The following NHSL2 variants were observed in gnomAD, a reference collection of about 807,000 sequenced individuals.
The protein encoded by NHSL2 is NHS like 2.
Under a neutral mutation model 53.4 loss-of-function variants are expected in NHSL2, and 27 were observed. The ratio of observed to expected loss-of-function variants is 0.51; its 90% CI spans 0.37 to 0.70. The LOEUF (loss-of-function observed/expected upper bound fraction) is 0.70, where lower values mean the gene tolerates loss of function less well. Ranked by LOEUF, NHSL2 falls within the 30% of genes least tolerant of loss-of-function variation. The pLI is 0.00. For synonymous variants in NHSL2, 408 were observed against 404.1 expected, an observed-to-expected ratio of 1.01 and a Z score of -0.12; for missense variants, 892 against 980.1, an observed-to-expected ratio of 0.91 and a Z score of 1.20.
intron 1 of NHSL2, among the ~76,000 whole-genome samples, chrX:71,929,015 G>C (rs2041699966): frequency 9.0e-6 from 1 of 111,550 alleles, no homozygotes; most frequent in Non-Finnish European, 1.9e-5. Flanking sequence ...TCCCCATACT[G>C]TCATAGATGG....
chrX:71,935,907 A>T (rs1042250596), intron 1 of NHSL2, among the ~76,000 whole-genome samples: 14 of 110,879 alleles, frequency 1.3e-4, no homozygotes, highest in Admixed American at 3.8e-4. Context: ...AGTGAATCTC[A>T]CTCCTGCCTG....
intron 1 of NHSL2, among the ~76,000 whole-genome samples, chrX:72,126,719 C>T (rs1159294291): frequency 8.9e-6 from 1 of 111,747 alleles, no homozygotes; most frequent in East Asian, 2.8e-4. Flanking sequence ...ACTTGTGATT[C>T]ATCACCAGCT....
At chrX:71,996,326 A>G (rs1445993079) in intron 1 of NHSL2, among the ~76,000 whole-genome samples, 2 of 112,587 alleles carry the variant, frequency 1.8e-5, no homozygotes, top group African/African-American at 3.2e-5. Context: ...AGCTGTTCAA[A>G]TAGTGATGGG....
chrX:71,933,924 G>A (rs903863592), intron 1 of NHSL2, among the ~76,000 whole-genome samples: 1 of 111,351 alleles, frequency 9.0e-6, no homozygotes, highest in Non-Finnish European at 1.9e-5. Flanking sequence ...ACAACAGCTG[G>A]ACTCTGCATT....
At chrX:72,081,270 C>A (rs980467431) in intron 1 of NHSL2, among the ~76,000 whole-genome samples, 1 of 112,214 alleles carries the variant, frequency 8.9e-6, no homozygotes, top group African/African-American at 3.2e-5. Flanking sequence ...ATGCGGTCTG[C>A]GTGGGGCCTC....
At chrX:72,110,337 A>AC (rs1471288646) in intron 1 of NHSL2, among the ~76,000 whole-genome samples, 1 of 110,483 alleles carries the variant, frequency 9.1e-6, no homozygotes, top group African/African-American at 3.3e-5. Flanking sequence ...TCTGAGAATG[A>AC]CCTCCTCATC....
intron 1 of NHSL2, among the ~76,000 whole-genome samples, chrX:72,019,475 A>C (rs1277529525): frequency 8.9e-6 from 1 of 112,184 alleles, no homozygotes; most frequent in Non-Finnish European, 1.9e-5. Flanking sequence ...GTCACCACAC[A>C]CTAGGGCAGA....
intron 1 of NHSL2, among the ~76,000 whole-genome samples, chrX:71,942,201 G>A (rs778402647): frequency 9.8e-5 from 11 of 112,450 alleles, no homozygotes; most frequent in Admixed American, 4.7e-4. Context: ...AGACTGCAAT[G>A]TGAGGGGATC....
rs547337817 is a variant in NHSL2, at chrX:72,038,292, A to C, written c.281-93787A>C. On this transcript the variant is annotated intron_variant, in intron 1 of 7. Coordinates refer to ENST00000633930, the MANE Select transcript of NHSL2 (RefSeq NM_001013627.3). ...AGGGGTATGGGTAAAAGGTTGAGGCAGGGCAGCCTGAAACATCTTCTTCTC... is the reference window on the plus strand; with the variant it reads ...AGGGGTATGGGTAAAAGGTTGAGGCCGGGCAGCCTGAAACATCTTCTTCTC... 8.9e-5 allele frequency among the ~76,000 whole-genome samples: 10 copies of C among 112,641 alleles called. No homozygotes were observed. In the South Asian group the frequency reaches 1.5e-3, roughly 17 times the overall value.
chrX:72,112,837 G>A (rs1371808096), intron 1 of NHSL2, among the ~76,000 whole-genome samples: 3 of 110,646 alleles, frequency 2.7e-5, no homozygotes, highest in African/African-American at 3.3e-5. Flanking sequence ...TTACAGGTGC[G>A]CACCACCACA....
intron 1 of NHSL2, 63 bp from the exon 2 acceptor site, chrX:72,132,016 G>A: frequency 8.8e-7 from 1 of 1,132,944 alleles, no homozygotes; most frequent in Non-Finnish European, 1.2e-6. Flanking sequence ...GGCGCCCACT[G>A]GCCGCCGCGC....
Position 72,139,616 on chromosome X carries a change from C to A in NHSL2, c.2068C>A (p.Leu690Ile). 1 of 1,210,558 alleles carries A rather than the reference C, an allele frequency of 8.3e-7. No homozygotes were observed. The highest frequency in any genetic ancestry group is 1.1e-6 in the Non-Finnish European group (1 of 894,509). Residue 690 changes from leucine (L) to isoleucine (I), a missense_variant, in exon 6 of 8, where the codon CTC becomes ATC. Transcript: ENST00000633930. Reference protein sequence around the residue: ...STSRATTPSQLSIEVEAREIS... With the variant: ...STSRATTPSQISIEVEAREIS... The stretch of plus-strand genomic sequence containing the variant: ...CTCCAGAGCCACTACACCTTCCCAA[C>A]TCTCCATTGAAGTGGAGGCCAGGGA...
At chrX:72,019,384 T>A in intron 1 of NHSL2, among the ~76,000 whole-genome samples, 1 of 112,503 alleles carries the variant, frequency 8.9e-6, no homozygotes, top group Admixed American at 9.4e-5. Flanking sequence ...ACAATTGCCC[T>A]GACCATAAAA....
At chrX:72,001,318 C>T (rs927755045) in intron 1 of NHSL2, among the ~76,000 whole-genome samples, 4 of 111,815 alleles carry the variant, frequency 3.6e-5, no homozygotes, top group South Asian at 3.8e-4. Context: ...CGCTGTGCTA[C>T]GGTTTACCCA....
Position 72,137,094 on chromosome X carries a change from G to GGCA in NHSL2, c.766_768dup (p.Gln256dup). On this transcript the variant is annotated inframe_insertion and splice_region_variant, in exon 5 of 8. Coordinates refer to ENST00000633930, the MANE Select transcript of NHSL2 (RefSeq NM_001013627.3). ...CCAAGTGTCTTTATTTTGGCTACAG[G>GGCA]GCAGCAGTTTGATAAACATGCAAGT... 1 of 1,165,970 alleles carries GGCA rather than the reference G, an allele frequency of 8.6e-7. No individual in the cohort carries two copies. The highest frequency in any genetic ancestry group is 1.1e-6 in the Non-Finnish European group (1 of 871,615).
chrX:72,032,601 G>A (rs1166742413), intron 1 of NHSL2, among the ~76,000 whole-genome samples: 1 of 111,654 alleles, frequency 9.0e-6, no homozygotes, highest in Non-Finnish European at 1.9e-5. Flanking sequence ...GCTCACACCT[G>A]TAATCCCAGC....
At chrX:72,092,750 A>G (rs186373566) in intron 1 of NHSL2, among the ~76,000 whole-genome samples, 68 of 112,146 alleles carry the variant, frequency 6.1e-4, no homozygotes, top group African/African-American at 2.2e-3. Flanking sequence ...CAGCAAATTC[A>G]TTAACTGCAT....
chrX:71,990,846 T>G (rs1481306442), intron 1 of NHSL2, among the ~76,000 whole-genome samples: 1 of 112,219 alleles, frequency 8.9e-6, no homozygotes, highest in Non-Finnish European at 1.9e-5. Context: ...GCTCTCTATT[T>G]CTATTTCCAA....
chrX:71,942,701 A>C (rs1429754629), intron 1 of NHSL2, among the ~76,000 whole-genome samples: 1 of 112,439 alleles, frequency 8.9e-6, no homozygotes, highest in East Asian at 2.8e-4. Flanking sequence ...TGTAGGTGTT[A>C]GACATGTAGC....
Sources: gnomAD v4.1 joint callset for allele counts (sites outside exome capture counted in the v4.1 genomes callset) on GRCh38, gnomAD v4.1.1 for gene constraint, MANE v1.5 for transcripts, NCBI Gene and HGNC (gene_info 2026-07-23, HGNC 2026-07-21) for gene names.